Variants in EDIL3 observed in about 807,000 individuals in gnomAD.
EDIL3 encodes EGF like and discoidin domains 3.
Under a neutral mutation model 67.4 loss-of-function variants are expected in EDIL3, and 37 were observed. The observed-to-expected ratio is 0.55, with a 90% CI of 0.42 to 0.72. EDIL3 has a LOEUF of 0.72. Among genes scored for constraint, EDIL3 ranks in the 30% least tolerant of loss-of-function variants. The pLI, the probability that EDIL3 is intolerant of heterozygous loss-of-function variation, is 0.00. For missense variants in EDIL3, 527 were observed against 586.3 expected (o/e 0.90, Z 1.04); for synonymous variants, 195 against 196.3 (o/e 0.99, Z 0.05).
At chr5:84,351,265 A>G (rs939498120) in intron 1 of EDIL3, among the ~76,000 whole-genome samples, 7 of 152,170 alleles carry the variant, frequency 4.6e-5, no homozygotes, top group Non-Finnish European at 7.4e-5. Flanking sequence ...ATAAATTTAT[A>G]GCATCATTCT....
Position 84,183,194 on chromosome 5 carries a change from GT to G in EDIL3, c.227-2674del, listed in dbSNP as rs920680253. ...TTCGTCATTATCATTCTCTTTTACA[GT>G]TTTTTTTTAAATACTGAAGGTCAGA... is the stretch of plus-strand genomic sequence containing the variant. On this transcript the variant is annotated intron_variant, in intron 3 of 10. Coordinates refer to ENST00000296591, the MANE Select transcript of EDIL3 (RefSeq NM_005711.5). 2.3e-4 allele frequency among the ~76,000 whole-genome samples: 35 copies of G among 151,106 alleles called. No homozygotes were observed. In the Middle Eastern group the frequency reaches 0.01, roughly 44 times the overall value.
chr5:84,141,942 TATATACATAG>T (rs1228481954), intron 4 of EDIL3, among the ~76,000 whole-genome samples: 45 of 136,630 alleles, frequency 3.3e-4, no homozygotes, highest in African/African-American at 1.2e-3. Flanking sequence ...TATATATATA[TATATACATAG>T]ATCTATCTAT....
chr5:84,236,775 T>C (rs1430716517), intron 2 of EDIL3, among the ~76,000 whole-genome samples: 1 of 151,982 alleles, frequency 6.6e-6, no homozygotes, highest in Non-Finnish European at 1.5e-5. Flanking sequence ...ATTTAATGAC[T>C]GTTTTTACCC....
intron 1 of EDIL3, among the ~76,000 whole-genome samples, chr5:84,287,019 C>A (rs969664429): frequency 6.6e-6 from 1 of 152,146 alleles, no homozygotes; most frequent in South Asian, 2.1e-4. Flanking sequence ...TAAAAACAAT[C>A]CTCTACCTGA....
intron 9 of EDIL3, among the ~76,000 whole-genome samples, chr5:84,031,873 T>C (rs1745930978): frequency 6.6e-6 from 1 of 152,242 alleles, no homozygotes; most frequent in Admixed American, 6.5e-5. Context: ...GATTTCAGTG[T>C]AATTTCCAAT....
chr5:84,226,691 C>A (rs1267643618), intron 3 of EDIL3, among the ~76,000 whole-genome samples: 4 of 151,796 alleles, frequency 2.6e-5, no homozygotes, highest in African/African-American at 4.8e-5. Context: ...TTAATATAAT[C>A]CATATGTGAA....
rs187763351 is a variant in EDIL3, at chr5:84,082,350, T to A, written c.652-15744A>T. Among the ~76,000 whole-genome samples the A allele has an allele frequency of 5.7e-4, 87 of 152,340 alleles. No homozygotes were observed. The East Asian group carries it at 0.016, about 28-fold the overall frequency. On this transcript the variant is annotated intron_variant, in intron 6 of 10. Coordinates refer to ENST00000296591, the MANE Select transcript of EDIL3 (RefSeq NM_005711.5). ...ACTTCTGGGAAACAGAAAACTGTGA[T>A]GTTCTTTATTTTTATGCACTGATGA...
intron 6 of EDIL3, among the ~76,000 whole-genome samples, chr5:84,094,627 C>T (rs1747229767): frequency 6.6e-6 from 1 of 152,166 alleles, no homozygotes; most frequent in South Asian, 2.1e-4. Context: ...TACATACAGA[C>T]ATATGAAATG....
intron 4 of EDIL3, among the ~76,000 whole-genome samples, chr5:84,144,835 T>G (rs2112324223): frequency 6.6e-6 from 1 of 152,152 alleles, no homozygotes; most frequent in African/African-American, 2.4e-5. Context: ...TAGTTCTCTC[T>G]CTGGTTTTAG....
At chr5:83,984,972 CACACA>C (rs775614819) in intron 9 of EDIL3, among the ~76,000 whole-genome samples, 30 of 151,576 alleles carry the variant, frequency 2.0e-4, no homozygotes, top group East Asian at 1.6e-3. Flanking sequence ...CACACACACA[CACACA>C]CCCCATAAAC....
At chr5:84,317,973 T>TA (rs1173484127) in intron 1 of EDIL3, among the ~76,000 whole-genome samples, 1 of 152,208 alleles carries the variant, frequency 6.6e-6, no homozygotes, top group East Asian at 1.9e-4. Flanking sequence ...AGTCTCAGGA[T>TA]AAAAAATCAA....
At chr5:84,184,824 G>C (rs1294370137) in intron 3 of EDIL3, among the ~76,000 whole-genome samples, 3 of 152,154 alleles carry the variant, frequency 2.0e-5, no homozygotes, top group African/African-American at 7.2e-5. Flanking sequence ...GTACATTGGA[G>C]CTCATTTTAT....
At chr5:84,244,042 G>A (rs3797652) in intron 2 of EDIL3, among the ~76,000 whole-genome samples, 12,236 of 152,142 alleles carry the variant, frequency 0.08, 639 homozygotes, top group South Asian at 0.2. Context: ...CTATGGCTCC[G>A]GGGAATGTGG....
At chr5:84,201,227 G>T (rs1743825017) in intron 3 of EDIL3, among the ~76,000 whole-genome samples, 1 of 151,950 alleles carries the variant, frequency 6.6e-6, no homozygotes, top group African/African-American at 2.4e-5. Flanking sequence ...AAAGGTAGGG[G>T]TATCAATTTC....
rs541231304 is a variant in EDIL3 at position 84,293,119 on chromosome 5, T to C, written c.68-38907A>G. Among the ~76,000 whole-genome samples the C allele has an allele frequency of 3.7e-4, 56 of 152,328 alleles. 2 individuals carry two copies. The South Asian group carries it at 9.7e-3, about 26-fold the overall frequency. Reference sequence around the variant, plus strand: ...ATTCTGTTTGCTTATTGTGACCTTCTAGGTGCAAGAGCCCTGTGGTTTGTT... The same window carrying C: ...ATTCTGTTTGCTTATTGTGACCTTCCAGGTGCAAGAGCCCTGTGGTTTGTT... On this transcript the variant is annotated intron_variant, in intron 1 of 10. Coordinates refer to ENST00000296591, the MANE Select transcript of EDIL3 (RefSeq NM_005711.5).
At chr5:84,331,866 G>GA (rs911396513) in intron 1 of EDIL3, among the ~76,000 whole-genome samples, 2 of 152,104 alleles carry the variant, frequency 1.3e-5, no homozygotes, top group Non-Finnish European at 2.9e-5. Flanking sequence ...AATGCTTCAT[G>GA]AAAAAAGAAG....
chr5:84,133,649 A>C (rs1748038289), intron 5 of EDIL3, among the ~76,000 whole-genome samples: 1 of 151,830 alleles, frequency 6.6e-6, no homozygotes, highest in South Asian at 2.1e-4. Context: ...TAAATAAATA[A>C]AATGAACAAG....
chr5:84,250,139 G>A (rs1415369745), intron 2 of EDIL3, among the ~76,000 whole-genome samples: 1 of 152,198 alleles, frequency 6.6e-6, no homozygotes, highest in African/African-American at 2.4e-5. Context: ...GCAAACACTG[G>A]TTAATCTGGG....
intron 10 of EDIL3, among the ~76,000 whole-genome samples, chr5:83,960,475 G>A (rs1392668618): frequency 6.6e-6 from 1 of 150,966 alleles, no homozygotes; most frequent in Admixed American, 6.6e-5. Flanking sequence ...CTGTATGCAT[G>A]TATTAAAATA....
Sources: gnomAD v4.1 joint callset for allele counts (sites outside exome capture counted in the v4.1 genomes callset) on GRCh38, gnomAD v4.1.1 for gene constraint, MANE v1.5 for transcripts, NCBI Gene and HGNC (gene_info 2026-07-23, HGNC 2026-07-21) for gene names.